The following FBLN1 variants were observed in gnomAD, a reference collection of about 807,000 sequenced individuals.
FBLN1 encodes fibulin-1.
Under a neutral mutation model 89.7 loss-of-function variants are expected in FBLN1, and 34 were observed. That is an observed-to-expected ratio of 0.38 (90% CI 0.29 to 0.50). The LOEUF (loss-of-function observed/expected upper bound fraction) is 0.50, where lower values mean the gene tolerates loss of function less well. FBLN1 is among the 20% of genes least tolerant of loss of function. FBLN1 has a pLI of 0.92. For synonymous variants in FBLN1, 393 were observed against 391.3 expected (o/e 1.00, Z -0.05); for missense variants, 777 against 988.1 (o/e 0.79, Z 2.86).
At position 45,563,126 on chromosome 22, in the gene FBLN1, C is replaced by T; in HGVS notation, c.1698-11385C>T. 6.2e-7 allele frequency: 1 copy of T among 1,613,372 alleles called. No homozygotes were observed. Among genetic ancestry groups the T allele is most frequent in the Non-Finnish European group, 8.5e-7 (1 of 1,179,990 alleles). ...TTTCACCACCCGGAAGGTGAGCCCC[C>T]ACAGTGGGGTGGTGGCCCTCACCAA... On this transcript the variant is annotated intron_variant, in intron 14 of 16. Coordinates refer to ENST00000327858, the MANE Select transcript of FBLN1 (RefSeq NM_006486.3). This position sits in a 1 kb window ranked among gnomAD's most constrained non-coding sequence, Gnocchi z 5.7.
chr22:45,548,975 C>T (rs1398121808), intron 13 of FBLN1, among the ~76,000 whole-genome samples: 2 of 152,194 alleles, frequency 1.3e-5, no homozygotes, highest in Non-Finnish European at 2.9e-5. Context: ...ATTGTCTGAG[C>T]CTGTGGCGGC....
intron 14 of FBLN1, among the ~76,000 whole-genome samples, chr22:45,566,183 C>T (rs1233865470): frequency 6.6e-5 from 10 of 152,300 alleles, no homozygotes; most frequent in African/African-American, 2.4e-4. Flanking sequence ...AACACCTGTG[C>T]CTTCATGTGC....
rs371726470 is a variant in FBLN1, at chr22:45,533,780, G to A, written c.666G>A (p.Thr222=). ...VSCEDVNECI[T]GSHSCRLGES... Reference sequence around the variant, plus strand: ...TCCTAGATGTCAATGAATGCATCACGGGCAGCCACAGCTGCCGGCTTGGAG... The same window carrying A: ...TCCTAGATGTCAATGAATGCATCACAGGCAGCCACAGCTGCCGGCTTGGAG... The change falls in exon 7 of 17, where the codon ACG becomes ACA. Residue 222 remains threonine, a synonymous_variant. Coordinates refer to ENST00000327858, the MANE Select transcript of FBLN1 (RefSeq NM_006486.3). The A allele has an allele frequency of 3.7e-6, 6 of 1,612,674 alleles. No individual in the cohort carries two copies. The Admixed American group carries it at 5.0e-5, about 13-fold the overall frequency.
Position 45,556,998 on chromosome 22 carries a change from A to G in FBLN1, c.1697+6383A>G, listed in dbSNP as rs137859778. The stretch of plus-strand genomic sequence containing the variant: ...TATTGGACCCTGATTCAGAGCATAC[A>G]TGGCCTTCTGTAGAACTTTGTCCCA... On this transcript the variant is annotated intron_variant, in intron 14 of 16. Coordinates refer to ENST00000327858, the MANE Select transcript of FBLN1 (RefSeq NM_006486.3). This position sits in a 1 kb window ranked among gnomAD's most constrained non-coding sequence, Gnocchi z 4.6. 1.3e-5 allele frequency among the ~76,000 whole-genome samples: 2 copies of G among 152,306 alleles called. No individual in the cohort carries two copies. Among genetic ancestry groups the G allele is most frequent in the East Asian group, 1.9e-4 (1 of 5,186 alleles).
chr22:45,532,575 T>C lies in FBLN1; in HGVS notation c.545-488T>C, dbSNP rs2088422615. On this transcript the variant is annotated intron_variant, in intron 5 of 16. Transcript: ENST00000327858. The surrounding 1 kb of genome is among the most constrained non-coding windows in gnomAD (Gnocchi z 4.2). ...GGAAGAACAGGTTGTGGGGTGCTTC[T>C]GGGCTATGCAGAAAGACCAGGTAGG... Among the ~76,000 whole-genome samples, 1 of 152,098 alleles carries C rather than the reference T, an allele frequency of 6.6e-6. No homozygotes were observed. The highest frequency in any genetic ancestry group is 6.5e-5 in the Admixed American group (1 of 15,268).
Position 45,600,804 on chromosome 22 carries a change from T to C in FBLN1, c.*358T>C, listed in dbSNP as rs1920926207. The stretch of plus-strand genomic sequence containing the variant: ...GCCAAAAGAAGACCAGTTCTTGCCC[T>C]GATTGTATGAAATTTGACATTTTGG... On this transcript the variant is annotated 3_prime_UTR_variant, in exon 17 of 17. Transcript: ENST00000327858. 8.9e-6 allele frequency: 3 copies of C among 337,584 alleles called. No individual in the cohort carries two copies. Among genetic ancestry groups the C allele is most frequent in the African/African-American group, 2.2e-5 (1 of 46,422 alleles). 20.9% of individuals were successfully genotyped at this position (337,584 alleles called of 1,614,324 possible). A position where few individuals can be genotyped will look rare whatever the true frequency, so the allele number is the denominator to read the frequency against.
At position 45,536,258 on chromosome 22, in the gene FBLN1, G is replaced by A. The variant is rs1418305294; in HGVS notation, c.922+921G>A. ...GACAGAAAGTAGAATGGAAGGTGCC[G>A]GGGCTGGGCAGGGTGGGGGATGGGG... On this transcript the variant is annotated intron_variant, in intron 8 of 16. Coordinates refer to ENST00000327858, the MANE Select transcript of FBLN1 (RefSeq NM_006486.3). The surrounding 1 kb of genome is among the most constrained non-coding windows in gnomAD (Gnocchi z 5.1). Among the ~76,000 whole-genome samples, 3 of 152,130 alleles carry A rather than the reference G, an allele frequency of 2.0e-5. No individual in the cohort carries two copies. Among genetic ancestry groups the A allele is most frequent in the African/African-American group, 4.8e-5 (2 of 41,426 alleles).
At chr22:45,587,100 G>A (rs1303931557) in intron 16 of FBLN1, among the ~76,000 whole-genome samples, 3 of 152,116 alleles carry the variant, frequency 2.0e-5, no homozygotes, top group South Asian at 2.1e-4. Context: ...AGCACGTCAC[G>A]GAGCCTCTCC....
chr22:45,514,730 G>A (rs923384173), intron 1 of FBLN1, among the ~76,000 whole-genome samples: 3 of 152,202 alleles, frequency 2.0e-5, no homozygotes, highest in South Asian at 2.1e-4. Context: ...GAGCCGTGAC[G>A]TTTGTGCTGG....
At chr22:45,546,365 T>A (rs188932685) in intron 11 of FBLN1, among the ~76,000 whole-genome samples, 2 of 152,150 alleles carry the variant, frequency 1.3e-5, no homozygotes, top group Non-Finnish European at 1.5e-5. Context: ...TACAGGTGCG[T>A]GCCACCATGC....
rs774040782 is a variant in FBLN1 at position 45,557,944 on chromosome 22, T to C, written c.1697+7329T>C. The C allele has an allele frequency of 1.5e-6, 1 of 653,078 alleles. No individual in the cohort carries two copies. Among genetic ancestry groups the C allele is most frequent in the East Asian group, 2.9e-5 (1 of 34,556 alleles). The allele number at this position is 653,078 out of a possible 1,614,324, so 40.5% of individuals were successfully genotyped here. On this transcript the variant is annotated intron_variant, in intron 14 of 16. Coordinates refer to ENST00000327858, the MANE Select transcript of FBLN1 (RefSeq NM_006486.3). The surrounding 1 kb of genome is among the most constrained non-coding windows in gnomAD (Gnocchi z 4.9). Reference sequence around the variant, plus strand: ...TCTGCCCACTGGGAAGATTTCCCTTTGCCACTGTCCTTCAGGGATGTCCTA... The same window carrying C: ...TCTGCCCACTGGGAAGATTTCCCTTCGCCACTGTCCTTCAGGGATGTCCTA...
chr22:45,511,843 C>A (rs902368294), intron 1 of FBLN1, among the ~76,000 whole-genome samples: 1 of 152,150 alleles, frequency 6.6e-6, no homozygotes, highest in Non-Finnish European at 1.5e-5. Context: ...TAACCCGCAG[C>A]GTTGCCTTCC....
rs879417159 is a variant in FBLN1 at position 45,561,490 on chromosome 22, A to C, written c.1697+10875A>C. Among the ~76,000 whole-genome samples the C allele has an allele frequency of 6.6e-6, 1 of 152,202 alleles. No individual in the cohort carries two copies. Among genetic ancestry groups the C allele is most frequent in the Non-Finnish European group, 1.5e-5 (1 of 68,042 alleles). The stretch of plus-strand genomic sequence containing the variant: ...ATGAGCGATGAATCAGGAGTTTCAA[A>C]TGCGTTTATTTTTCATAACTCTCTA... On this transcript the variant is annotated intron_variant, in intron 14 of 16. Transcript: ENST00000327858. The surrounding 1 kb of genome is among the most constrained non-coding windows in gnomAD (Gnocchi z 4.7).
At chr22:45,542,607 C>T (rs973154496) in intron 10 of FBLN1, among the ~76,000 whole-genome samples, 12 of 152,234 alleles carry the variant, frequency 7.9e-5, no homozygotes, top group Non-Finnish European at 1.8e-4. Flanking sequence ...CCTGGAGATT[C>T]ACCGCTGAGC....
intron 2 of FBLN1, among the ~76,000 whole-genome samples, chr22:45,521,935 C>G (rs527749885): frequency 2.9e-4 from 44 of 151,484 alleles, no homozygotes; most frequent in African/African-American, 9.7e-4. Context: ...TTAAAAGATG[C>G]AAAAAACAGG....
At chr22:45,523,596 G>A (rs1378758154) in intron 2 of FBLN1, among the ~76,000 whole-genome samples, 2 of 152,090 alleles carry the variant, frequency 1.3e-5, no homozygotes, top group Admixed American at 6.6e-5. Flanking sequence ...CCCAGCTGCC[G>A]GTGAGGCTGA....
chr22:45,528,236 G>A (rs549713579), intron 4 of FBLN1, among the ~76,000 whole-genome samples: 8 of 152,284 alleles, frequency 5.3e-5, no homozygotes, highest in African/African-American at 1.9e-4. Flanking sequence ...CGCCTTTCCC[G>A]GGGAGGCCAG....
chr22:45,559,419 G>A lies in FBLN1; in HGVS notation c.1697+8804G>A, dbSNP rs367717146. On this transcript the variant is annotated intron_variant, in intron 14 of 16. Coordinates refer to ENST00000327858, the MANE Select transcript of FBLN1 (RefSeq NM_006486.3). Reference sequence around the variant, plus strand: ...ATCTCTGCAATCCCTCCGGGAATACGATATTGTTTTTGATTTACTGTTTTT... The same window carrying A: ...ATCTCTGCAATCCCTCCGGGAATACAATATTGTTTTTGATTTACTGTTTTT... Among the ~76,000 whole-genome samples, 10 of 152,312 alleles carry A rather than the reference G, an allele frequency of 6.6e-5. No homozygotes were observed. The South Asian group carries it at 1.5e-3, about 22-fold the overall frequency.
At position 45,536,957 on chromosome 22, in the gene FBLN1, C is replaced by A. The variant is rs1206684873; in HGVS notation, c.922+1620C>A. On this transcript the variant is annotated intron_variant, in intron 8 of 16. Transcript: ENST00000327858. This position sits in a 1 kb window ranked among gnomAD's most constrained non-coding sequence, Gnocchi z 5.1. ...CTGGAAAGACAGGAGGTGAGTCCTGCTTTCCCCAGCCGTTGTCAGGTTAAC... is the reference window on the plus strand; with the variant it reads ...CTGGAAAGACAGGAGGTGAGTCCTGATTTCCCCAGCCGTTGTCAGGTTAAC... Among the ~76,000 whole-genome samples, 1 of 152,186 alleles carries A rather than the reference C, an allele frequency of 6.6e-6. No homozygotes were observed. The highest frequency in any genetic ancestry group is 1.5e-5 in the Non-Finnish European group (1 of 68,038).
Sources: allele counts gnomAD v4.1 joint callset (sites outside exome capture counted in the v4.1 genomes callset), GRCh38; gene constraint gnomAD v4.1.1; non-coding constraint Gnocchi (gnomAD v3.1); transcripts MANE v1.5; gene names NCBI Gene and HGNC (gene_info 2026-07-23, HGNC 2026-07-21).